The following ITPA variants were observed in gnomAD, a reference collection of about 807,000 sequenced individuals.
The protein encoded by ITPA is inosine triphosphatase, also known as inosine triphosphate pyrophosphatase.
Under a neutral mutation model 29.6 loss-of-function variants are expected in ITPA, and 29 were observed. The ratio of observed to expected loss-of-function variants is 0.98; its 90% CI spans 0.73 to 1.34. The LOEUF (loss-of-function observed/expected upper bound fraction) is 1.34, where lower values mean the gene tolerates loss of function less well. Ranked by LOEUF, ITPA falls within the 40% of genes most tolerant of loss-of-function variation. The pLI, the probability that ITPA is intolerant of heterozygous loss-of-function variation, is 0.00. For synonymous variants in ITPA, 103 were observed against 99.3 expected, an observed-to-expected ratio of 1.04 and a Z score of -0.22; for missense variants, 241 against 251.5, an observed-to-expected ratio of 0.96 and a Z score of 0.28.
rs115881684 is a variant in ITPA at position 3,222,087 on chromosome 20, G to A, written c.488+170G>A. The stretch of plus-strand genomic sequence containing the variant: ...TGGGGTGGACACTAGGAATCTGGGT[G>A]GCCCAGTCCATGGTTGGGGAGGCAG... On this transcript the variant is annotated intron_variant, in intron 7 of 7. Transcript: ENST00000380113. Among the ~76,000 whole-genome samples, 2,378 of 152,324 alleles carry A rather than the reference G, an allele frequency of 0.016. 53 individuals carry two copies. The highest frequency in any genetic ancestry group is 0.054 in the African/African-American group (2,263 of 41,574).
At chr20:3,221,678 A>G (rs966481812) in intron 6 of ITPA, 163 bp from the exon 7 acceptor site, 1 of 703,734 alleles carries the variant, frequency 1.4e-6, no homozygotes, top group Non-Finnish European at 2.6e-6. Flanking sequence ...TTTTTATTGT[A>G]TTCAGCAAAC....
At chr20:3,205,761 T>G (rs2067065892), upstream of ITPA, among the ~76,000 whole-genome samples, 1 of 151,960 alleles carries the variant, frequency 6.6e-6, no homozygotes, top group Admixed American at 6.6e-5. Context: ...GAAAGGGATT[T>G]GAAAAAATAC....
chr20:3,218,436 C>A (rs1600522041), intron 5 of ITPA, 81 bp from the exon 6 acceptor site: 1 of 1,021,136 alleles, frequency 9.8e-7, no homozygotes, highest in East Asian at 2.4e-5. Context: ...TTCCTCCCTC[C>A]CCACCCTTAG....
intron 7 of ITPA, 99 bp downstream of exon 7, chr20:3,222,016 G>C: frequency 8.8e-7 from 1 of 1,142,836 alleles, no homozygotes; most frequent in Non-Finnish European, 1.3e-6. Flanking sequence ...GCGGATATGG[G>C]CAGGGGAGGC....
downstream of ITPA, among the ~76,000 whole-genome samples, chr20:3,226,963 T>C (rs1363396763): frequency 6.6e-6 from 1 of 151,978 alleles, no homozygotes; most frequent in Admixed American, 6.6e-5. This position sits in a 1 kb window ranked among gnomAD's most constrained non-coding sequence, Gnocchi z 4.4. Flanking sequence ...CCTCCCTCCA[T>C]CGCCACCAGT....
chr20:3,217,791 A>G (rs945265541), intron 5 of ITPA, among the ~76,000 whole-genome samples: 1 of 152,156 alleles, frequency 6.6e-6, no homozygotes, highest in Non-Finnish European at 1.5e-5. Flanking sequence ...AAAGGTGAAA[A>G]ATTTAAAAAC....
Position 3,221,822 on chromosome 20 carries a change from C to T in ITPA, c.412-19C>T. The T allele has an allele frequency of 6.2e-7, 1 of 1,612,882 alleles. No individual in the cohort carries two copies. Among genetic ancestry groups the T allele is most frequent in the East Asian group, 2.2e-5 (1 of 44,886 alleles). On this transcript the variant is annotated intron_variant, in intron 6 of 7. Transcript: ENST00000380113. ...CCTCTGGACCCAGTTACACACCTGT[C>T]CCCCCTTTCCTGTGGCAGGGCCGGA...
chr20:3,218,965 G>C (rs2067387613), intron 6 of ITPA: 1 of 404,338 alleles, frequency 2.5e-6, no homozygotes, highest in Non-Finnish European at 4.7e-6. Flanking sequence ...AGCTCCTGAG[G>C]CCTGATAGAC....
chr20:3,214,115 C>A, intron 4 of ITPA, 57 bp downstream of exon 4: 1 of 1,443,526 alleles, frequency 6.9e-7, no homozygotes, highest in Non-Finnish European at 9.8e-7. Context: ...ACCAGAACTG[C>A]AAAATGATGA....
upstream of ITPA, chr20:3,204,456 A>G (rs975729324): frequency 1.1e-5 from 16 of 1,411,162 alleles, no homozygotes; most frequent in Non-Finnish European, 1.4e-5. Context: ...CACGCGCAGG[A>G]GCCGCGGCGC....
upstream of ITPA, chr20:3,209,299 A>T (rs2122270027): frequency 3.5e-6 from 2 of 566,716 alleles, no homozygotes; most frequent in Middle Eastern, 4.8e-4. This position sits in a 1 kb window ranked among gnomAD's most constrained non-coding sequence, Gnocchi z 4.6. Context: ...CGGTTCTTGA[A>T]GATAGCGTCC....
upstream of ITPA, among the ~76,000 whole-genome samples, chr20:3,207,520 C>T (rs2067081923): frequency 6.6e-6 from 1 of 151,870 alleles, no homozygotes; most frequent in African/African-American, 2.4e-5. Context: ...ATGGTGAAAC[C>T]CCACCTCTAC....
intron 6 of ITPA, among the ~76,000 whole-genome samples, chr20:3,220,557 A>G (rs1450079159): frequency 6.6e-6 from 1 of 151,978 alleles, no homozygotes; most frequent in Non-Finnish European, 1.5e-5. Flanking sequence ...GAGTAAAAAA[A>G]AATGTTTTTG....
In ITPA at chr20:3,221,918, G is replaced by C. The variant is rs1380443187; in HGVS notation, c.488+1G>C. The C allele has an allele frequency of 6.2e-7, 1 of 1,613,636 alleles. No individual in the cohort carries two copies. Among genetic ancestry groups the C allele is most frequent in the Non-Finnish European group, 8.5e-7 (1 of 1,179,874 alleles). Reference sequence around the variant, plus strand: ...TTCAGCCTGATGGATATGAGCAGACGTAAGGAGCCCTGCTTTTCTTCCCTG... The same window carrying C: ...TTCAGCCTGATGGATATGAGCAGACCTAAGGAGCCCTGCTTTTCTTCCCTG... On this transcript the variant is annotated splice_donor_variant, in intron 7 of 7. Coordinates refer to ENST00000380113, the MANE Select transcript of ITPA (RefSeq NM_033453.4). LOFTEE classifies it high-confidence loss of function.
At chr20:3,221,749 TCA>T (rs2067468924) in intron 6 of ITPA, 90 bp from the exon 7 acceptor site, 5 of 1,204,170 alleles carry the variant, frequency 4.2e-6, no homozygotes, top group Non-Finnish European at 4.9e-6. Context: ...CAAATCAAAT[TCA>T]CAGACTCACC....
At chr20:3,205,969 T>G (rs991730263), upstream of ITPA, among the ~76,000 whole-genome samples, 12 of 144,226 alleles carry the variant, frequency 8.3e-5, no homozygotes, top group African/African-American at 2.9e-4. Context: ...GGCAGGAGAA[T>G]CACTTGAACC....
intron 1 of ITPA, among the ~76,000 whole-genome samples, chr20:3,211,077 AAGAAG>A (rs771184038): frequency 1.9e-5 from 2 of 102,602 alleles, no homozygotes; most frequent in Non-Finnish European, 2.2e-5. Context: ...AAAAAAAAAA[AAGAAG>A]AAGAAGAAGA....
chr20:3,215,894 C>A (rs1414260949), intron 5 of ITPA, among the ~76,000 whole-genome samples: 1 of 152,006 alleles, frequency 6.6e-6, no homozygotes, highest in Non-Finnish European at 1.5e-5. Context: ...CCATGTTGGC[C>A]AGGCCAGTCT....
chr20:3,211,529 G>C (rs552046582), intron 1 of ITPA, among the ~76,000 whole-genome samples: 133 of 150,064 alleles, frequency 8.9e-4, no homozygotes, highest in African/African-American at 3.2e-3. Context: ...GTCTCACTCT[G>C]TTGCCCAGGC....
Sources: gnomAD v4.1 joint callset for allele counts (sites outside exome capture counted in the v4.1 genomes callset) on GRCh38, gnomAD v4.1.1 for gene constraint, Gnocchi (gnomAD v3.1) non-coding constraint, MANE v1.5 for transcripts, NCBI Gene and HGNC (gene_info 2026-07-23, HGNC 2026-07-21) for gene names.